Variants in PPCS observed in about 807,000 individuals in gnomAD.
PPCS encodes the protein phosphopantothenoylcysteine synthetase.
A neutral mutation model predicts 24.6 loss-of-function variants in PPCS; 17 were observed. The ratio of observed to expected loss-of-function variants is 0.69; its 90% confidence interval spans 0.47 to 1.04. The LOEUF (loss-of-function observed/expected upper bound fraction) is 1.04, where lower values mean the gene tolerates loss of function less well. Ranked by LOEUF, PPCS falls within the 50% of genes least tolerant of loss-of-function variation. The probability of loss-of-function intolerance (pLI) is 0.00; values close to 1 mark genes in which losing one functional copy is unlikely to be tolerated. For synonymous variants in PPCS, 190 were observed against 168.3 expected (o/e 1.13, Z -1.00); for missense variants, 360 against 402.8 (o/e 0.89, Z 0.91).
rs55861965 is a variant in PPCS at position 42,459,409 on chromosome 1, T to C, written c.613-194T>C. 0.39 allele frequency: 231,769 copies of C among 596,962 alleles called. 46,872 individuals are homozygous for C. The highest frequency in any genetic ancestry group is 0.53 in the East Asian group (19,013 of 35,658). 37.0% of individuals were successfully genotyped at this position (596,962 alleles called of 1,614,324 possible). A position where few individuals can be genotyped will look rare whatever the true frequency, so the allele number is the denominator to read the frequency against. On this transcript the variant is annotated intron_variant, in intron 2 of 2. Coordinates refer to ENST00000372561, the MANE Select transcript of PPCS (RefSeq NM_024664.4). ...GAACTGGGCTCAAGCGATCCACCCA[T>C]CCTGGCCTTCCAAAGTGCTGGGATT...
chr1:42,456,506 G>A (rs1357078357), upstream of PPCS: 16 of 1,428,304 alleles, frequency 1.1e-5, no homozygotes, highest in Non-Finnish European at 1.5e-5. Context: ...CCAGGTAGGC[G>A]AGAAGGGGCG....
At position 42,459,720 on chromosome 1, in the gene PPCS, C is replaced by T. The variant is rs748847721; in HGVS notation, c.730C>T (p.Arg244Trp). 8 of 1,614,014 alleles carry T rather than the reference C, an allele frequency of 5.0e-6. No individual in the cohort carries two copies. In the African/African-American group the frequency reaches 5.3e-5, roughly 11 times the overall value. The change falls in exon 3 of 3, where the codon CGG becomes TGG. Residue 244 changes from arginine (R) to tryptophan (W), a missense_variant. By Grantham distance (101) the Arg-to-Trp change is moderately radical. This residue lies in a region of PPCS where 116 missense variants were observed against 168.1 expected (regional missense o/e 0.69). Coordinates refer to ENST00000372561, the MANE Select transcript of PPCS (RefSeq NM_024664.4). ...CCCCGCCATTGTAATTAATCGAGCT[C>T]GGAAGGCTTTGGAAATTTATCAGCA... ...TDPAIVINRARKALEIYQHQV... is the reference protein window; with the variant it reads ...TDPAIVINRAWKALEIYQHQV...
intron 2 of PPCS, among the ~76,000 whole-genome samples, chr1:42,471,629 C>G (rs1012143682): frequency 1.3e-5 from 2 of 152,086 alleles, no homozygotes; most frequent in African/African-American, 4.8e-5. Context: ...GTATGATGCT[C>G]AAAGACCTTG....
chr1:42,456,685 T>TA lies in PPCS; in HGVS notation c.121dup (p.Thr41AsnfsTer90), dbSNP rs1643200791. ...CGCAGGGCCGGCGGGTGGTGTTGGT[T>TA]ACGTCAGGCGGCACCAAGGTCCCAC... On this transcript the variant is annotated frameshift_variant, in exon 1 of 3. Coordinates refer to ENST00000372561, the MANE Select transcript of PPCS (RefSeq NM_024664.4). LOFTEE classifies it high-confidence loss of function. The TA allele has an allele frequency of 6.2e-7, 1 of 1,606,026 alleles. No individual in the cohort carries two copies. The highest frequency in any genetic ancestry group is 1.3e-5 in the African/African-American group (1 of 74,902).
chr1:42,473,382 C>G, exon 3 of PPCS: 2 of 825,668 alleles, frequency 2.4e-6, no homozygotes, highest in Non-Finnish European at 3.2e-6. Context: ...ATATTAAAAA[C>G]TAATGTTTGG....
At chr1:42,457,201 T>C (rs1569600439) in intron 1 of PPCS, 46 bp from the exon 2 acceptor site, 1 of 1,612,474 alleles carries the variant, frequency 6.2e-7, no homozygotes, top group Non-Finnish European at 8.5e-7. Flanking sequence ...GCTGATCCTA[T>C]ATCGTACCTC....
intron 2 of PPCS, among the ~76,000 whole-genome samples, chr1:42,467,108 G>T (rs1333246422): frequency 1.3e-5 from 2 of 152,214 alleles, no homozygotes; most frequent in Non-Finnish European, 2.9e-5. Flanking sequence ...ATACTGACAT[G>T]AATGGCTAAT....
chr1:42,466,587 T>A (rs1283102233), intron 2 of PPCS, among the ~76,000 whole-genome samples: 1 of 151,870 alleles, frequency 6.6e-6, no homozygotes, highest in Non-Finnish European at 1.5e-5. Context: ...AGCCTTGCTC[T>A]GTCGCCCAGG....
downstream of PPCS, among the ~76,000 whole-genome samples, chr1:42,464,476 A>G (rs532150100): frequency 2.0e-5 from 3 of 152,378 alleles, no homozygotes; most frequent in African/African-American, 7.2e-5. Flanking sequence ...TGATTGAAAT[A>G]GTACTTGTGC....
Position 42,457,368 on chromosome 1 carries a change from T to A in PPCS, c.612+18T>A, listed in dbSNP as rs1342735216. The stretch of plus-strand genomic sequence containing the variant: ...CACTGCAGGTGATGGGCGCTTCTCT[T>A]CCAGAGATCTAATCCCATATAACCA... On this transcript the variant is annotated intron_variant, in intron 2 of 2. Transcript: ENST00000372561. 1 of 1,595,428 alleles carries A rather than the reference T, an allele frequency of 6.3e-7. No individual in the cohort carries two copies. The highest frequency in any genetic ancestry group is 1.7e-5 in the Admixed American group (1 of 60,002).
At chr1:42,469,711 A>G (rs1452955791) in intron 2 of PPCS, among the ~76,000 whole-genome samples, 3 of 152,030 alleles carry the variant, frequency 2.0e-5, no homozygotes, top group Admixed American at 1.3e-4. Context: ...GGGAAAGAGG[A>G]CAAGATTGGT....
chr1:42,456,889 G>C lies in PPCS; in HGVS notation c.324G>C (p.Ser108=), dbSNP rs1004601992. The C allele has an allele frequency of 1.9e-6, 3 of 1,612,546 alleles. No homozygotes were observed. The highest frequency in any genetic ancestry group is 1.3e-5 in the African/African-American group (1 of 74,942). Reference sequence around the variant, plus strand: ...CTTGGCTGTCCGCTCTGCGGCCTTCGGGCCCAGCCCTTTCGGGCTTGCTGA... The same window carrying C: ...CTTGGCTGTCCGCTCTGCGGCCTTCCGGCCCAGCCCTTTCGGGCTTGCTGA... ...PQTWLSALRP[S]GPALSGLLSL... Residue 108 remains serine (S), a synonymous_variant, in exon 1 of 3, where the codon TCG becomes TCC. Coordinates refer to ENST00000372561, the MANE Select transcript of PPCS (RefSeq NM_024664.4).
chr1:42,459,372 C>G lies in PPCS; in HGVS notation c.613-231C>G. On this transcript the variant is annotated intron_variant, in intron 2 of 2. Coordinates refer to ENST00000372561, the MANE Select transcript of PPCS (RefSeq NM_024664.4). ...AGAGACATGGTTTTGCCATGTTGCCCAGGCTGGTCTTGAACTGGGCTCAAG... is the reference window on the plus strand; with the variant it reads ...AGAGACATGGTTTTGCCATGTTGCCGAGGCTGGTCTTGAACTGGGCTCAAG... 3 of 514,962 alleles carry G rather than the reference C, an allele frequency of 5.8e-6. No individual in the cohort carries two copies. In the South Asian group the frequency reaches 8.5e-5, roughly 15 times the overall value. The allele number at this position is 514,962 out of a possible 1,614,324, so 31.9% of individuals were successfully genotyped here. A position where few individuals can be genotyped will look rare whatever the true frequency, so the allele number is the denominator to read the frequency against.
intron 2 of PPCS, among the ~76,000 whole-genome samples, chr1:42,457,750 C>T (rs376187414): frequency 5.3e-5 from 8 of 151,920 alleles, no homozygotes; most frequent in African/African-American, 1.9e-4. Flanking sequence ...GTCAGGAGTT[C>T]GAGACCAGCC....
At position 42,460,599 on chromosome 1, in the gene PPCS, TA is replaced by T. The variant is rs1247516532; in HGVS notation, c.*675del. ...TTTAGGACTGCTTTTCAGTTTAACT[TA>T]ATATGTCCTTCCACCTGGGACCAGG... On this transcript the variant is annotated 3_prime_UTR_variant, in exon 3 of 3. Transcript: ENST00000372561. Among the ~76,000 whole-genome samples, 1 of 152,224 alleles carries T rather than the reference TA, an allele frequency of 6.6e-6. No homozygotes were observed. The highest frequency in any genetic ancestry group is 1.9e-4 in the East Asian group (1 of 5,202).
At chr1:42,471,186 G>T (rs1396781231) in intron 2 of PPCS, among the ~76,000 whole-genome samples, 1 of 152,048 alleles carries the variant, frequency 6.6e-6, no homozygotes, top group Non-Finnish European at 1.5e-5. Context: ...CTTGAGTATT[G>T]ACCTGAAGCC....
chr1:42,456,437 G>A (rs1643182557), upstream of PPCS: 1 of 996,630 alleles, frequency 1.0e-6, no homozygotes, highest in Non-Finnish European at 1.4e-6. Flanking sequence ...GGCGAGATCG[G>A]GACCTAGTGT....
At chr1:42,471,100 C>T (rs1051982131) in intron 2 of PPCS, among the ~76,000 whole-genome samples, 2 of 152,100 alleles carry the variant, frequency 1.3e-5, no homozygotes, top group African/African-American at 4.8e-5. Flanking sequence ...TGAGGATGGG[C>T]AGCTAAATAA....
At chr1:42,457,484 C>T in intron 2 of PPCS, 134 bp downstream of exon 2, 2 of 738,922 alleles carry the variant, frequency 2.7e-6, no homozygotes, top group Non-Finnish European at 4.7e-6. Context: ...TAAGACACCG[C>T]CCTCCCTCAT....
Sources: gnomAD v4.1 joint callset for allele counts (sites outside exome capture counted in the v4.1 genomes callset) on GRCh38, gnomAD v4.1.1 for gene constraint, gnomAD v4.1.1 regional missense constraint, MANE v1.5 for transcripts, NCBI Gene and HGNC (gene_info 2026-07-23, HGNC 2026-07-21) for gene names.